SLC1A7: variants seen among roughly 807,000 people sequenced by gnomAD.
SLC1A7 encodes the protein excitatory amino acid transporter 5.
Under a neutral mutation model 47.7 loss-of-function variants are expected in SLC1A7, and 40 were observed. The ratio of observed to expected loss-of-function variants is 0.84; its 90% CI spans 0.65 to 1.09. SLC1A7 has a LOEUF of 1.09. Among genes scored for constraint, SLC1A7 ranks in the 50% least tolerant of loss-of-function variants. The pLI, the probability that SLC1A7 is intolerant of heterozygous loss-of-function variation, is 0.00. For synonymous variants in SLC1A7, 323 were observed against 325.6 expected, an observed-to-expected ratio of 0.99 and a Z score of 0.09; for missense variants, 746 against 769.5, an observed-to-expected ratio of 0.97 and a Z score of 0.36.
rs756513740 is a variant in SLC1A7 at position 53,103,501 on chromosome 1, C to T, written c.542G>A (p.Arg181Gln). ...KVAPEEAPPRRILIYGVQEEN... is the reference protein window; with the variant it reads ...KVAPEEAPPRQILIYGVQEEN... ...CTCCTGGACCCCGTAGATGAGGATC[C>T]GCCGAGGAGGGGCCTCCTCTGGTGC... Residue 181 changes from arginine to glutamine, a missense_variant, in exon 5 of 11, where the codon CGG becomes CAG. Transcript: ENST00000371494. 17 of 1,612,750 alleles carry T rather than the reference C, an allele frequency of 1.1e-5. No individual in the cohort carries two copies. The highest frequency in any genetic ancestry group is 4.5e-5 in the East Asian group (2 of 44,842).
intron 1 of SLC1A7, among the ~76,000 whole-genome samples, chr1:53,136,990 TA>T (rs1318080368): frequency 1.3e-5 from 2 of 151,760 alleles, no homozygotes; most frequent in African/African-American, 4.8e-5. Flanking sequence ...TTCTTTAAGT[TA>T]AAAGTGCTCT....
rs185775844 is a variant in SLC1A7, at chr1:53,114,068, G to C, written c.431+690C>G. Among the ~76,000 whole-genome samples the C allele has an allele frequency of 6.1e-4, 93 of 152,296 alleles. 1 individual carries two copies. Among genetic ancestry groups the C allele is most frequent in the African/African-American group, 2.2e-3 (91 of 41,562 alleles). On this transcript the variant is annotated intron_variant, in intron 3 of 10. Transcript: ENST00000371494. ...GTCTGACCACTCCTCCAGGGCAAGG[G>C]CTGGCTCTGAGTCCCCTGGTCCAGG...
intron 3 of SLC1A7, chr1:53,108,617 C>A (rs1644670034): frequency 1.4e-6 from 1 of 717,820 alleles, no homozygotes; most frequent in Non-Finnish European, 2.6e-6. Flanking sequence ...TCCGTTCCTC[C>A]AACTTTCTTC....
chr1:53,130,888 A>C (rs942501454), intron 2 of SLC1A7, among the ~76,000 whole-genome samples: 5 of 152,066 alleles, frequency 3.3e-5, no homozygotes, highest in African/African-American at 1.2e-4. Flanking sequence ...GACAGTGTGG[A>C]TGGACTCCTG....
At chr1:53,141,810 G>A (rs889679227) in intron 1 of SLC1A7, among the ~76,000 whole-genome samples, 45 of 151,980 alleles carry the variant, frequency 3.0e-4, no homozygotes, top group Admixed American at 7.2e-4. Context: ...CTGGCCTGTC[G>A]CTCTTCTGCC....
At chr1:53,113,284 C>T (rs1644719339) in intron 3 of SLC1A7, among the ~76,000 whole-genome samples, 1 of 152,128 alleles carries the variant, frequency 6.6e-6, no homozygotes, top group Non-Finnish European at 1.5e-5. Context: ...TCTCTCACCA[C>T]CTGTCCTGCA....
chr1:53,112,411 T>C (rs902673267), intron 3 of SLC1A7, among the ~76,000 whole-genome samples: 3 of 152,226 alleles, frequency 2.0e-5, no homozygotes, highest in Non-Finnish European at 4.4e-5. Flanking sequence ...AGCAGAACTT[T>C]CCAGCTGACC....
intron 2 of SLC1A7, among the ~76,000 whole-genome samples, chr1:53,117,983 C>G (rs564880701): frequency 1.3e-5 from 2 of 152,374 alleles, no homozygotes; most frequent in South Asian, 4.1e-4. Context: ...GAGAGGTGAG[C>G]AGCCGCGGGA....
intron 3 of SLC1A7, among the ~76,000 whole-genome samples, chr1:53,111,712 A>G (rs553334779): frequency 6.6e-6 from 1 of 152,292 alleles, no homozygotes; most frequent in South Asian, 2.1e-4. Context: ...TAATTTTGAG[A>G]TACCTCTAGA....
intron 5 of SLC1A7, among the ~76,000 whole-genome samples, chr1:53,097,954 GCCTCGGTACACTC>G (rs1644518145): frequency 2.5e-5 from 1 of 39,312 alleles, no homozygotes; most frequent in Non-Finnish European, 1.3e-4. Flanking sequence ...CACACACCAT[GCCTCGGTACACTC>G]ACACACCACA....
chr1:53,107,153 TA>T (rs11417607), intron 3 of SLC1A7, among the ~76,000 whole-genome samples: 802 of 24,308 alleles, frequency 0.033, 2 homozygotes, highest in African/African-American at 0.055. Flanking sequence ...AGACTCTGAC[TA>T]AAAAAAAAAA....
chr1:53,105,121 A>T lies in SLC1A7; in HGVS notation c.474+611T>A, dbSNP rs563153982. Among the ~76,000 whole-genome samples the T allele has an allele frequency of 4.6e-5, 7 of 152,364 alleles. No individual in the cohort carries two copies. In the East Asian group the frequency reaches 1.3e-3, roughly 29 times the overall value. Reference sequence around the variant, plus strand: ...ACTATGATTATAATATTATTTAAAAATAAGCAGAAGAAAAAAGACCAGAAA... The same window carrying T: ...ACTATGATTATAATATTATTTAAAATTAAGCAGAAGAAAAAAGACCAGAAA... On this transcript the variant is annotated intron_variant, in intron 4 of 10. Transcript: ENST00000371494.
At chr1:53,142,272 G>A (rs202070338) in intron 1 of SLC1A7, 43 bp downstream of exon 1, 55 of 1,541,410 alleles carry the variant, frequency 3.6e-5, no homozygotes, top group African/African-American at 2.1e-4. Flanking sequence ...AGGCCCACAC[G>A]CCCCTCCTGG....
Position 53,134,337 on chromosome 1 carries a change from C to G in SLC1A7, c.215+13G>C. The G allele has an allele frequency of 6.2e-7, 1 of 1,606,740 alleles. No homozygotes were observed. The highest frequency in any genetic ancestry group is 8.5e-7 in the Non-Finnish European group (1 of 1,174,548). ...CCTGGTTCCGGACCACCTGGTCAAACCCCCGCTCTCACCTGGAGACCACCA... is the reference window on the plus strand; with the variant it reads ...CCTGGTTCCGGACCACCTGGTCAAAGCCCCGCTCTCACCTGGAGACCACCA... On this transcript the variant is annotated intron_variant, in intron 2 of 10. Transcript: ENST00000371494.
rs544540791 is a variant in SLC1A7 at position 53,121,731 on chromosome 1, A to C, written c.216-6758T>G. ...ACTTGGCTTCCACAGCTTGGAGTGC[A>C]CAAACACCGGGGTGGGAGGGGGAGG... On this transcript the variant is annotated intron_variant, in intron 2 of 10. Coordinates refer to ENST00000371494, the MANE Select transcript of SLC1A7 (RefSeq NM_006671.6). Among the ~76,000 whole-genome samples the C allele has an allele frequency of 1.4e-4, 21 of 152,296 alleles. No individual in the cohort carries two copies. In the East Asian group the frequency reaches 3.5e-3, roughly 25 times the overall value.
At chr1:53,098,618 C>T (rs1409272878) in intron 5 of SLC1A7, among the ~76,000 whole-genome samples, 1 of 151,700 alleles carries the variant, frequency 6.6e-6, no homozygotes, top group Non-Finnish European at 1.5e-5. Context: ...TACACTCACA[C>T]ATACCACCTC....
intron 4 of SLC1A7, 184 bp from the exon 5 acceptor site, chr1:53,103,752 A>T (rs1039108316): frequency 1.2e-5 from 6 of 499,600 alleles, no homozygotes; most frequent in Admixed American, 1.1e-4. Flanking sequence ...GAAAGCTGCA[A>T]CTCCTTCCTC....
chr1:53,101,482 C>A (rs1341462803), intron 5 of SLC1A7, among the ~76,000 whole-genome samples: 19 of 151,846 alleles, frequency 1.3e-4, no homozygotes, highest in Admixed American at 1.2e-3. Flanking sequence ...AACACCCACA[C>A]ACACCACCTC....
intron 2 of SLC1A7, among the ~76,000 whole-genome samples, chr1:53,130,926 G>A (rs1229005741): frequency 6.6e-6 from 1 of 152,114 alleles, no homozygotes; most frequent in Non-Finnish European, 1.5e-5. Flanking sequence ...GCCAGTTTGA[G>A]GCCAAAGGAG....
Sources: gnomAD v4.1 joint callset for allele counts (sites outside exome capture counted in the v4.1 genomes callset) on GRCh38, gnomAD v4.1.1 for gene constraint, MANE v1.5 for transcripts, NCBI Gene and HGNC (gene_info 2026-07-23, HGNC 2026-07-21) for gene names.